Variants in GMDS observed in about 807,000 individuals in gnomAD.
The protein encoded by GMDS is GDP-mannose 4,6 dehydratase.
GMDS carries 20 observed loss-of-function variants against 49.9 expected under a neutral mutation model. The ratio of observed to expected loss-of-function variants is 0.40; its 90% CI spans 0.28 to 0.58. The LOEUF is 0.58. Among genes scored for constraint, GMDS ranks in the 20% least tolerant of loss-of-function variants. The pLI, the probability that GMDS is intolerant of heterozygous loss-of-function variation, is 0.42. For missense variants in GMDS, 362 were observed against 481.4 expected (o/e 0.75, Z 2.32); for synonymous variants, 177 against 178.6 (o/e 0.99, Z 0.07).
chr6:1,883,853 C>T (rs1759478313), intron 7 of GMDS, among the ~76,000 whole-genome samples: 1 of 152,086 alleles, frequency 6.6e-6, no homozygotes, highest in African/African-American at 2.4e-5. Flanking sequence ...TCAGTATTAA[C>T]CAAATAAAGG....
intron 7 of GMDS, among the ~76,000 whole-genome samples, chr6:1,846,523 TGA>T (rs1385143968): frequency 1.3e-5 from 2 of 152,134 alleles, no homozygotes; most frequent in East Asian, 1.9e-4. Context: ...TTCTCTCCAT[TGA>T]TAGGAAAGAT....
chr6:2,100,082 T>C (rs569468225), intron 4 of GMDS, among the ~76,000 whole-genome samples: 12 of 152,112 alleles, frequency 7.9e-5, no homozygotes, highest in Non-Finnish European at 1.5e-4. Context: ...AGAGACTATG[T>C]GTCTTCCTCA....
At chr6:1,902,926 T>C (rs2113861827) in intron 7 of GMDS, among the ~76,000 whole-genome samples, 1 of 152,298 alleles carries the variant, frequency 6.6e-6, no homozygotes, top group South Asian at 2.1e-4. Flanking sequence ...GAATTTTCCA[T>C]GGATAAAAGC....
chr6:1,923,816 G>A (rs528406693), intron 7 of GMDS, among the ~76,000 whole-genome samples: 2 of 152,310 alleles, frequency 1.3e-5, no homozygotes, highest in East Asian at 3.9e-4. Context: ...CCAGATTTGT[G>A]TAACATAGGA....
At chr6:2,028,448 TTTAA>T (rs1350004984) in intron 4 of GMDS, among the ~76,000 whole-genome samples, 1 of 152,204 alleles carries the variant, frequency 6.6e-6, no homozygotes, top group Non-Finnish European at 1.5e-5. Flanking sequence ...CATTTCCAAA[TTTAA>T]TTAACCAAAA....
intron 7 of GMDS, among the ~76,000 whole-genome samples, chr6:1,764,637 C>A (rs1327388518): frequency 2.0e-5 from 3 of 152,176 alleles, no homozygotes; most frequent in Non-Finnish European, 4.4e-5. Context: ...GAGATCATCA[C>A]CGCTCCGTAA....
chr6:1,801,951 C>A (rs935393798), intron 7 of GMDS, among the ~76,000 whole-genome samples: 1 of 152,160 alleles, frequency 6.6e-6, no homozygotes, highest in South Asian at 2.1e-4. Flanking sequence ...CGAATAAAAA[C>A]GGCACTGGAC....
chr6:1,881,715 C>G (rs1452427411), intron 7 of GMDS, among the ~76,000 whole-genome samples: 1 of 152,182 alleles, frequency 6.6e-6, no homozygotes, highest in African/African-American at 2.4e-5. Context: ...TAATTCTCAT[C>G]CCAGAAATCC....
chr6:1,938,449 G>A, intron 6 of GMDS, among the ~76,000 whole-genome samples: 1 of 152,182 alleles, frequency 6.6e-6, no homozygotes, highest in Non-Finnish European at 1.5e-5. Context: ...ACAGTTCAAG[G>A]TTGAAAATTA....
intron 9 of GMDS, among the ~76,000 whole-genome samples, chr6:1,708,073 G>C (rs1765802816): frequency 6.6e-6 from 1 of 152,154 alleles, no homozygotes; most frequent in African/African-American, 2.4e-5. Flanking sequence ...AACAAATACA[G>C]CACTCATCCG....
At chr6:1,974,878 AG>A (rs67936288) in intron 4 of GMDS, among the ~76,000 whole-genome samples, 29,383 of 143,552 alleles carry the variant, frequency 0.2, 3,582 homozygotes, top group African/African-American at 0.33. Flanking sequence ...TAAAAAAAAA[AG>A]AAAAAAAAAT....
chr6:1,746,605 T>C (rs979379243), intron 7 of GMDS, among the ~76,000 whole-genome samples: 9 of 152,208 alleles, frequency 5.9e-5, no homozygotes. Context: ...ATTACTTAAA[T>C]TTGGACACGT....
intron 9 of GMDS, among the ~76,000 whole-genome samples, chr6:1,717,854 A>G (rs1193077353): frequency 6.6e-6 from 1 of 152,188 alleles, no homozygotes; most frequent in Non-Finnish European, 1.5e-5. Flanking sequence ...GAATTTGAAA[A>G]TGCTTTGCAA....
chr6:1,747,094 G>A (rs1767528693), intron 7 of GMDS, among the ~76,000 whole-genome samples: 2 of 152,110 alleles, frequency 1.3e-5, no homozygotes, highest in South Asian at 4.1e-4. Context: ...AGTGGTTTGG[G>A]AGGCTCAGGA....
intron 7 of GMDS, among the ~76,000 whole-genome samples, chr6:1,821,611 G>GTTTTTTTTTTT (rs3039703): frequency 1.8e-5 from 2 of 109,854 alleles, no homozygotes; most frequent in Admixed American, 9.3e-5. Flanking sequence ...CAATTTATTT[G>GTTTTTTTTTTT]TTTTTTTTTT....
intron 4 of GMDS, among the ~76,000 whole-genome samples, chr6:2,093,199 T>C (rs1178751733): frequency 6.6e-6 from 1 of 152,218 alleles, no homozygotes; most frequent in Non-Finnish European, 1.5e-5. Context: ...GCCATTCTTA[T>C]TGAGTTTTGA....
At chr6:1,937,143 G>A (rs1762593693) in intron 6 of GMDS, among the ~76,000 whole-genome samples, 1 of 152,126 alleles carries the variant, frequency 6.6e-6, no homozygotes, top group African/African-American at 2.4e-5. Context: ...GCAGCGATAG[G>A]TGTGCAGGAA....
chr6:1,670,182 T>C lies in GMDS; in HGVS notation c.988-45642A>G, dbSNP rs554803276. On this transcript the variant is annotated intron_variant, in intron 9 of 10. Transcript: ENST00000380815. ...AACTCCTCCCTGTGGCACCAGCAGC[T>C]CGGGGACTTCTGCCCAGCAGCCTTC... 9.3e-4 allele frequency among the ~76,000 whole-genome samples: 141 copies of C among 152,138 alleles called. 1 individual carries two copies. The highest frequency in any genetic ancestry group is 1.4e-3 in the Non-Finnish European group (94 of 67,992).
At chr6:2,192,715 C>G (rs1779095914) in intron 1 of GMDS, among the ~76,000 whole-genome samples, 1 of 152,238 alleles carries the variant, frequency 6.6e-6, no homozygotes, top group African/African-American at 2.4e-5. Context: ...AGCCCCACAG[C>G]AGCAGCCAGC....
Sources: allele counts gnomAD v4.1 joint callset (sites outside exome capture counted in the v4.1 genomes callset), GRCh38; gene constraint gnomAD v4.1.1; transcripts MANE v1.5; gene names NCBI Gene and HGNC (gene_info 2026-07-23, HGNC 2026-07-21).